DDX42: variants seen among roughly 807,000 people sequenced by gnomAD.
DDX42 encodes the protein ATP-dependent RNA helicase DDX42.
In DDX42, 22 loss-of-function variants were observed where a neutral mutation model predicts 101.5. That is an observed-to-expected ratio of 0.22 (90% CI 0.15 to 0.31). DDX42 has a LOEUF of 0.31. Ranked by LOEUF, DDX42 falls within the 10% of genes least tolerant of loss-of-function variation. The pLI, the probability that DDX42 is intolerant of heterozygous loss-of-function variation, is 1.00. For synonymous variants in DDX42, 402 were observed against 401.2 expected (o/e 1.00, Z -0.02); for missense variants, 849 against 1,199.9 (o/e 0.71, Z 4.32).
Position 63,774,209 on chromosome 17 carries a change from G to A in DDX42, c.-184G>A, listed in dbSNP as rs1254930666. ...TTCAGCAACGGGCCGTGAGGCGGTG[G>A]CGGTGGTGGCGGTGGCGGCGGCGGT... On this transcript the variant is annotated 5_prime_UTR_variant, in exon 1 of 18. Coordinates refer to ENST00000389924, the MANE Select transcript of DDX42 (RefSeq NM_203499.3). The A allele has an allele frequency of 6.9e-6, 2 of 289,052 alleles. No homozygotes were observed. Among genetic ancestry groups the A allele is most frequent in the Non-Finnish European group, 1.2e-5 (2 of 165,236 alleles). 17.9% of individuals were successfully genotyped at this position (289,052 alleles called of 1,614,324 possible).
intron 15 of DDX42, among the ~76,000 whole-genome samples, chr17:63,814,383 A>G (rs2039950217): frequency 6.6e-6 from 1 of 152,242 alleles, no homozygotes; most frequent in South Asian, 2.1e-4. Context: ...GGTACAACCC[A>G]GCTGCAATGT....
intron 1 of DDX42, among the ~76,000 whole-genome samples, chr17:63,775,721 G>A (rs528869463): frequency 1.2e-3 from 190 of 152,272 alleles, no homozygotes; most frequent in African/African-American, 4.4e-3. Context: ...AGGAGATAAG[G>A]TCAGGGAAGA....
Position 63,808,755 on chromosome 17 carries a change from G to A in DDX42, c.1024-65G>A, listed in dbSNP as rs567465909. 104 of 1,583,636 alleles carry A rather than the reference G, an allele frequency of 6.6e-5. 1 individual carries two copies. Among genetic ancestry groups the A allele is most frequent in the African/African-American group, 6.0e-4 (44 of 73,942 alleles). On this transcript the variant is annotated intron_variant, in intron 9 of 17. Coordinates refer to ENST00000389924, the MANE Select transcript of DDX42 (RefSeq NM_203499.3). ...ATCACATTCTGTTTTTCAGAACTTC[G>A]TTTGGGTTGTGACAGGTATTTGTTA... is the stretch of plus-strand genomic sequence containing the variant.
intron 4 of DDX42, among the ~76,000 whole-genome samples, chr17:63,799,017 A>G (rs1417407067): frequency 1.3e-5 from 2 of 152,188 alleles, no homozygotes; most frequent in African/African-American, 4.8e-5. Flanking sequence ...AGCTCCTGAG[A>G]CATACAGCAA....
intron 1 of DDX42, among the ~76,000 whole-genome samples, chr17:63,780,822 A>G (rs893474869): frequency 1.3e-5 from 2 of 152,138 alleles, no homozygotes; most frequent in African/African-American, 4.8e-5. Flanking sequence ...ATTCATAGTC[A>G]TGTTTGTTCT....
Position 63,815,317 on chromosome 17 carries a change from G to T in DDX42, c.1903-246G>T, listed in dbSNP as rs187844457. Among the ~76,000 whole-genome samples the T allele has an allele frequency of 1.4e-4, 22 of 152,332 alleles. 1 individual carries two copies. The highest frequency in any genetic ancestry group is 9.8e-4 in the Admixed American group (15 of 15,302). On this transcript the variant is annotated intron_variant, in intron 15 of 17. Coordinates refer to ENST00000389924, the MANE Select transcript of DDX42 (RefSeq NM_203499.3). ...CCTGAACAACTTCCCTTCCAGGAGA[G>T]CCTTGAGGGAGGGAGCACTGTAGGA...
At chr17:63,785,629 G>A (rs1429931608) in intron 1 of DDX42, among the ~76,000 whole-genome samples, 1 of 151,300 alleles carries the variant, frequency 6.6e-6, no homozygotes, top group African/African-American at 2.4e-5. Flanking sequence ...GAAAGAAAAG[G>A]TTTTTGGAGC....
chr17:63,816,978 G>C lies in DDX42; in HGVS notation c.2112+12G>C. On this transcript the variant is annotated intron_variant, in intron 17 of 17. Transcript: ENST00000389924. ...AAGCAGCTTTCCAGGTCTGAAATAAGCATTTCATTAAAAGCACTTTCAGCA... is the reference window on the plus strand; with the variant it reads ...AAGCAGCTTTCCAGGTCTGAAATAACCATTTCATTAAAAGCACTTTCAGCA... 6.2e-7 allele frequency: 1 copy of C among 1,610,396 alleles called. No individual in the cohort carries two copies. The highest frequency in any genetic ancestry group is 2.2e-5 in the East Asian group (1 of 44,788).
At chr17:63,788,876 G>A (rs1043192104) in intron 2 of DDX42, among the ~76,000 whole-genome samples, 16 of 151,826 alleles carry the variant, frequency 1.1e-4, no homozygotes, top group Admixed American at 1.3e-4. Context: ...CACTGCTTGA[G>A]GTTTTTTTTG....
intron 15 of DDX42, 118 bp from the exon 16 acceptor site, chr17:63,815,445 G>A: frequency 1.5e-6 from 1 of 670,098 alleles, no homozygotes; most frequent in Non-Finnish European, 2.6e-6. Flanking sequence ...TTAGCGTAGT[G>A]CTGGCTGAAA....
chr17:63,811,733 G>A, intron 13 of DDX42, 199 bp from the exon 14 acceptor site: 2 of 676,202 alleles, frequency 3.0e-6, no homozygotes, highest in Middle Eastern at 2.7e-4. Flanking sequence ...ATACAAATTA[G>A]GTATGTACAC....
intron 1 of DDX42, among the ~76,000 whole-genome samples, chr17:63,780,911 C>T (rs1389927618): frequency 6.6e-6 from 1 of 152,170 alleles, no homozygotes; most frequent in Admixed American, 6.6e-5. Flanking sequence ...CTGGTCTTCT[C>T]TGGAAATCCT....
At chr17:63,805,391 CAT>C (rs1478363820) in intron 7 of DDX42, 1 of 533,560 alleles carries the variant, frequency 1.9e-6, no homozygotes, top group Non-Finnish European at 3.1e-6. Flanking sequence ...TTTCTTGTTT[CAT>C]ATTTCAGTCA....
chr17:63,779,801 C>G (rs2144521595), intron 1 of DDX42, among the ~76,000 whole-genome samples: 1 of 151,884 alleles, frequency 6.6e-6, no homozygotes, highest in African/African-American at 2.4e-5. Context: ...CCAGGCTGGT[C>G]TCAAACTCCT....
Position 63,807,826 on chromosome 17 carries a change from G to A in DDX42, c.949G>A (p.Asp317Asn). 6.2e-7 allele frequency: 1 copy of A among 1,614,134 alleles called. No individual in the cohort carries two copies. The highest frequency in any genetic ancestry group is 8.5e-7 in the Non-Finnish European group (1 of 1,180,012). The change falls in exon 9 of 18, where the codon GAC becomes AAC. Residue 317 changes from aspartate to asparagine, a missense_variant. This residue lies in a region of DDX42 where 370 missense variants were observed against 608.8 expected (regional missense o/e 0.61). Coordinates refer to ENST00000389924, the MANE Select transcript of DDX42 (RefSeq NM_203499.3). ...TTGGCCCATGTTGATTCATATAATG[G>A]ACCAGAAGGAGTTGGAACCAGGTGA... is the stretch of plus-strand genomic sequence containing the variant. The part of the protein sequence containing the change: ...FIWPMLIHIM[D>N]QKELEPGDGP...
rs767153807 is a variant in DDX42, at chr17:63,792,570, T to TCATA, written c.372+10_372+11insTACA. On this transcript the variant is annotated intron_variant, in intron 3 of 17. Transcript: ENST00000389924. Reference sequence around the variant, plus strand: ...TTCATGGCTGAAGTGGAGGCAAGTATCAACATGTTTCATTAAAATATTTAG... The same window carrying TCATA: ...TTCATGGCTGAAGTGGAGGCAAGTATCATACAACATGTTTCATTAAAATATTTAG... 3 of 1,601,356 alleles carry TCATA rather than the reference T, an allele frequency of 1.9e-6. No homozygotes were observed. In the African/African-American group the frequency reaches 4.0e-5, roughly 21 times the overall value.
At chr17:63,797,972 A>T in intron 3 of DDX42, 66 bp from the exon 4 acceptor site, 1 of 1,478,146 alleles carries the variant, frequency 6.8e-7, no homozygotes, top group Non-Finnish European at 9.3e-7. Flanking sequence ...ACTTGTTCCA[A>T]TCTAAAAATT....
At chr17:63,776,873 A>G (rs1475601249) in intron 1 of DDX42, among the ~76,000 whole-genome samples, 1 of 152,062 alleles carries the variant, frequency 6.6e-6, no homozygotes, top group Non-Finnish European at 1.5e-5. Context: ...AGCCTGTGCT[A>G]CTTTACTATT....
intron 1 of DDX42, among the ~76,000 whole-genome samples, chr17:63,780,856 G>A (rs1340562366): frequency 2.0e-5 from 3 of 152,086 alleles, no homozygotes; most frequent in Admixed American, 2.0e-4. Context: ...CTCTAGCTTT[G>A]GGGGAAGAGT....
Sources: allele counts gnomAD v4.1 joint callset (sites outside exome capture counted in the v4.1 genomes callset), GRCh38; gene constraint gnomAD v4.1.1; regional missense constraint gnomAD v4.1.1; transcripts MANE v1.5; gene names NCBI Gene and HGNC (gene_info 2026-07-23, HGNC 2026-07-21).